Variants in JAKMIP2 observed in about 807,000 individuals in gnomAD.
JAKMIP2 encodes janus kinase and microtubule interacting protein 2.
Under a neutral mutation model 115.0 loss-of-function variants are expected in JAKMIP2, and 25 were observed. That is an observed-to-expected ratio of 0.22 (90% CI 0.16 to 0.30). The LOEUF (loss-of-function observed/expected upper bound fraction) is 0.30, where lower values mean the gene tolerates loss of function less well. Among genes scored for constraint, JAKMIP2 ranks in the 10% least tolerant of loss-of-function variants. The probability of loss-of-function intolerance (pLI) is 1.00; values close to 1 mark genes in which losing one functional copy is unlikely to be tolerated. For synonymous variants in JAKMIP2, 334 were observed against 343.6 expected (o/e 0.97, Z 0.31); for missense variants, 642 against 957.6 (o/e 0.67, Z 4.35).
intron 1 of JAKMIP2, among the ~76,000 whole-genome samples, chr5:147,676,176 A>G (rs1049122426): frequency 1.3e-5 from 2 of 152,188 alleles, no homozygotes; most frequent in African/African-American, 4.8e-5. Context: ...TACTATAAAA[A>G]TACAAAAAAA....
intron 12 of JAKMIP2, among the ~76,000 whole-genome samples, chr5:147,634,213 C>A (rs1261340904): frequency 6.6e-6 from 1 of 152,142 alleles, no homozygotes; most frequent in Non-Finnish European, 1.5e-5. Context: ...TCTGCCATCC[C>A]TTTATTTTGT....
intron 1 of JAKMIP2, among the ~76,000 whole-genome samples, chr5:147,682,954 G>C (rs1224015118): frequency 6.6e-6 from 1 of 152,144 alleles, no homozygotes; most frequent in Non-Finnish European, 1.5e-5. Context: ...GCTTTTGCTA[G>C]GATGAATTTA....
chr5:147,703,340 A>G (rs1752445397), intron 1 of JAKMIP2, among the ~76,000 whole-genome samples: 1 of 152,156 alleles, frequency 6.6e-6, no homozygotes, highest in Non-Finnish European at 1.5e-5. Context: ...GTATTTATGT[A>G]TCTAAACATA....
At chr5:147,648,531 G>T in intron 4 of JAKMIP2, 57 bp from the exon 5 acceptor site, 1 of 936,136 alleles carries the variant, frequency 1.1e-6, no homozygotes, top group Non-Finnish European at 1.7e-6. Context: ...CAAAGTTTGG[G>T]AATATCACTT....
intron 1 of JAKMIP2, among the ~76,000 whole-genome samples, chr5:147,733,997 G>C (rs1351495578): frequency 6.6e-6 from 1 of 151,984 alleles, no homozygotes; most frequent in East Asian, 1.9e-4. Context: ...GGGATTGCTG[G>C]GTCAAATGGT....
At position 147,590,089 on chromosome 5, in the gene JAKMIP2, C is replaced by T. The variant is rs1755040278; in HGVS notation, c.*1618G>A. The stretch of plus-strand genomic sequence containing the variant: ...AATGTAAGAACAAAAAGTGGGACCC[C>T]AGCATTCTAGTTTTTATTGTACATT... On this transcript the variant is annotated 3_prime_UTR_variant, in exon 22 of 22. Coordinates refer to ENST00000616793, the MANE Select transcript of JAKMIP2 (RefSeq NM_001270941.2). The T allele has an allele frequency of 6.6e-6, 1 of 152,110 alleles. No individual in the cohort carries two copies. Among genetic ancestry groups the T allele is most frequent in the Non-Finnish European group, 1.5e-5 (1 of 68,034 alleles). The allele number at this position is 152,110 out of a possible 1,614,324, so 9.4% of individuals were successfully genotyped here. A position where few individuals can be genotyped will look rare whatever the true frequency, so the allele number is the denominator to read the frequency against.
Position 147,591,632 on chromosome 5 carries a change from T to C in JAKMIP2, c.*75A>G. The C allele has an allele frequency of 6.3e-7, 1 of 1,582,020 alleles. No homozygotes were observed. Among genetic ancestry groups the C allele is most frequent in the Non-Finnish European group, 8.7e-7 (1 of 1,154,926 alleles). Reference sequence around the variant, plus strand: ...ACTGGTGTAAACAATTTTGCCATCTTTGAAGGTTTAGAAGCACTTGTCTTC... The same window carrying C: ...ACTGGTGTAAACAATTTTGCCATCTCTGAAGGTTTAGAAGCACTTGTCTTC... On this transcript the variant is annotated 3_prime_UTR_variant, in exon 22 of 22. Coordinates refer to ENST00000616793, the MANE Select transcript of JAKMIP2 (RefSeq NM_001270941.2).
intron 1 of JAKMIP2, among the ~76,000 whole-genome samples, chr5:147,726,522 G>A (rs1462156479): frequency 6.6e-6 from 1 of 152,204 alleles, no homozygotes; most frequent in African/African-American, 2.4e-5. Context: ...CCTCTGTAAA[G>A]TTTTGATTAA....
intron 1 of JAKMIP2, among the ~76,000 whole-genome samples, chr5:147,751,253 G>GT (rs1362390681): frequency 3.8e-5 from 5 of 130,712 alleles, no homozygotes; most frequent in Admixed American, 7.6e-5. Flanking sequence ...TTTTTTTGTT[G>GT]TTGTTTTTTT....
At chr5:147,688,036 G>A (rs553025688) in intron 1 of JAKMIP2, among the ~76,000 whole-genome samples, 3 of 152,128 alleles carry the variant, frequency 2.0e-5, no homozygotes, top group Admixed American at 6.6e-5. Flanking sequence ...TGTTTTAACC[G>A]CTGCATGGTC....
At chr5:147,734,795 T>C (rs184079926) in intron 1 of JAKMIP2, among the ~76,000 whole-genome samples, 2 of 152,254 alleles carry the variant, frequency 1.3e-5, no homozygotes, top group African/African-American at 4.8e-5. Context: ...ACAACAGGAA[T>C]TGATTTTGGG....
chr5:147,773,391 C>T (rs567368659), intron 1 of JAKMIP2, among the ~76,000 whole-genome samples: 7 of 152,162 alleles, frequency 4.6e-5, no homozygotes, highest in Admixed American at 2.0e-4. Flanking sequence ...GTTGACTACA[C>T]GGCCAAAGAT....
intron 19 of JAKMIP2, among the ~76,000 whole-genome samples, chr5:147,617,061 T>C (rs947514855): frequency 1.3e-5 from 2 of 152,228 alleles, no homozygotes; most frequent in Admixed American, 6.5e-5. Flanking sequence ...CTGGAATCCT[T>C]ATTGAATCTG....
intron 1 of JAKMIP2, among the ~76,000 whole-genome samples, chr5:147,707,815 C>T (rs935291490): frequency 1.3e-5 from 2 of 152,046 alleles, no homozygotes; most frequent in Non-Finnish European, 2.9e-5. Flanking sequence ...GTCTTCTTAG[C>T]AAAATGAGTT....
chr5:147,648,394 TC>T lies in JAKMIP2; in HGVS notation c.917del (p.Gly306GlufsTer8). On this transcript the variant is annotated frameshift_variant, in exon 5 of 22. Transcript: ENST00000616793. LOFTEE classifies it high-confidence loss of function. ...ATCTCACCAGTTCATTTCGTTCATC[TC>T]CAAGCAAGGTATTCCTGTCTTCTAA... ...RKLEDRNTLL[G>X]DERNELLKRV... 6.2e-7 allele frequency: 1 copy of T among 1,604,618 alleles called. No individual in the cohort carries two copies. The highest frequency in any genetic ancestry group is 8.5e-7 in the Non-Finnish European group (1 of 1,171,932).
At chr5:147,779,035 G>A (rs1470983360) in intron 1 of JAKMIP2, among the ~76,000 whole-genome samples, 3 of 152,044 alleles carry the variant, frequency 2.0e-5, no homozygotes, top group Non-Finnish European at 4.4e-5. Flanking sequence ...CCATCATTGC[G>A]TTATTTATGT....
In JAKMIP2 at chr5:147,629,579, C is replaced by T. The variant is rs1757262681; in HGVS notation, c.1929+114G>A. ...GTATATTCTTCCCAAGGAGCAACATCCTTAAGTGAAATGGCATCTCACTTG... is the reference window on the plus strand; with the variant it reads ...GTATATTCTTCCCAAGGAGCAACATTCTTAAGTGAAATGGCATCTCACTTG... On this transcript the variant is annotated intron_variant, in intron 15 of 21. Coordinates refer to ENST00000616793, the MANE Select transcript of JAKMIP2 (RefSeq NM_001270941.2). 4 of 692,820 alleles carry T rather than the reference C, an allele frequency of 5.8e-6. No homozygotes were observed. In the South Asian group the frequency reaches 5.8e-5, roughly 10 times the overall value. The allele number at this position is 692,820 out of a possible 1,614,324, so 42.9% of individuals were successfully genotyped here. A position where few individuals can be genotyped will look rare whatever the true frequency, so the allele number is the denominator to read the frequency against.
intron 1 of JAKMIP2, among the ~76,000 whole-genome samples, chr5:147,777,774 G>A (rs1043469228): frequency 6.6e-6 from 1 of 152,012 alleles, no homozygotes; most frequent in African/African-American, 2.4e-5. Flanking sequence ...CAGTTCAGAC[G>A]CCATGATTTT....
chr5:147,615,911 G>A (rs939659386), intron 19 of JAKMIP2, among the ~76,000 whole-genome samples: 5 of 152,062 alleles, frequency 3.3e-5, no homozygotes, highest in Admixed American at 6.6e-5. Context: ...ATAATGAAAG[G>A]TCCTGCACGT....
Sources: allele counts gnomAD v4.1 joint callset (sites outside exome capture counted in the v4.1 genomes callset), GRCh38; gene constraint gnomAD v4.1.1; transcripts MANE v1.5; gene names NCBI Gene and HGNC (gene_info 2026-07-23, HGNC 2026-07-21).